The following BRINP3 variants were observed in gnomAD, a reference collection of about 807,000 sequenced individuals.
BRINP3 encodes the protein BMP/retinoic acid inducible neural specific 3, also known as BMP/retinoic acid-inducible neural-specific protein 3.
A neutral mutation model predicts 71.0 loss-of-function variants in BRINP3; 19 were observed. That is an observed-to-expected ratio of 0.27 (90% CI 0.19 to 0.39). The LOEUF (loss-of-function observed/expected upper bound fraction) is 0.39, where lower values mean the gene tolerates loss of function less well. Among genes scored for constraint, BRINP3 ranks in the 10% least tolerant of loss-of-function variants. The pLI is 1.00. For synonymous variants in BRINP3, 380 were observed against 337.7 expected, an observed-to-expected ratio of 1.13 and a Z score of -1.37; for missense variants, 959 against 940.8, an observed-to-expected ratio of 1.02 and a Z score of -0.25.
chr1:190,458,646 AAT>A (rs1461228315), intron 1 of BRINP3, among the ~76,000 whole-genome samples: 1 of 152,020 alleles, frequency 6.6e-6, no homozygotes, highest in Non-Finnish European at 1.5e-5. Flanking sequence ...TGGTTTAGTA[AAT>A]AGAGTTTGTT....
intron 4 of BRINP3, among the ~76,000 whole-genome samples, chr1:190,248,508 C>G (rs1659823330): frequency 6.6e-6 from 1 of 151,720 alleles, no homozygotes; most frequent in African/African-American, 2.4e-5. Flanking sequence ...CCTATCTCTA[C>G]TCTCCACCTA....
At chr1:190,265,251 T>C (rs1030267745) in intron 3 of BRINP3, among the ~76,000 whole-genome samples, 196 bp from the exon 4 acceptor site, 1 of 152,128 alleles carries the variant, frequency 6.6e-6, no homozygotes, top group Non-Finnish European at 1.5e-5. Flanking sequence ...TTGGTCACTT[T>C]AAACACGTAG....
chr1:190,443,462 T>G (rs1674977236), intron 2 of BRINP3, among the ~76,000 whole-genome samples: 1 of 151,650 alleles, frequency 6.6e-6, no homozygotes, highest in Non-Finnish European at 1.5e-5. Context: ...CTGAGAATCT[T>G]TAAAAGGAAC....
Position 190,099,124 on chromosome 1 carries a change from A to T in BRINP3, c.1195T>A (p.Tyr399Asn), listed in dbSNP as rs1651464364. ...ISLPRQRTST[Y>N]WLTRIQSFLY... ...AAAGACTGGATGCGAGTAAGCCAGT[A>T]GGTTGAGGTTCTAGAAATACAAAAC... Residue 399 changes from tyrosine (Y) to asparagine (N), a missense_variant, in exon 8 of 8, where the codon TAC (tyrosine) becomes AAC (asparagine). Tyr to Asn is a moderately radical substitution (Grantham distance 143). Transcript: ENST00000367462. 6.2e-7 allele frequency: 1 copy of T among 1,613,076 alleles called. No homozygotes were observed. The highest frequency in any genetic ancestry group is 8.5e-7 in the Non-Finnish European group (1 of 1,179,178).
intron 7 of BRINP3, among the ~76,000 whole-genome samples, chr1:190,137,597 T>C (rs1267991481): frequency 6.6e-6 from 1 of 152,112 alleles, no homozygotes; most frequent in Non-Finnish European, 1.5e-5. Flanking sequence ...AGAGAGAATT[T>C]TTAAAAAGAG....
At chr1:190,134,176 T>C (rs1234522904) in intron 7 of BRINP3, among the ~76,000 whole-genome samples, 3 of 152,010 alleles carry the variant, frequency 2.0e-5, no homozygotes, top group Non-Finnish European at 4.4e-5. Context: ...CTACGGTGGT[T>C]AGGGAGTCTT....
At chr1:190,468,594 C>T (rs1558313709) in intron 1 of BRINP3, among the ~76,000 whole-genome samples, 1 of 151,152 alleles carries the variant, frequency 6.6e-6, no homozygotes, top group Non-Finnish European at 1.5e-5. Flanking sequence ...AGGTAAGTTA[C>T]TATTCAAACA....
chr1:190,226,417 GTATTAAA>G, intron 5 of BRINP3, 99 bp from the exon 6 acceptor site: 1 of 630,294 alleles, frequency 1.6e-6, no homozygotes, highest in African/African-American at 1.9e-5. Flanking sequence ...ATAATTTAGT[GTATTAAA>G]TTTTGAATTA....
intron 6 of BRINP3, among the ~76,000 whole-genome samples, chr1:190,184,104 T>A (rs1653289776): frequency 6.6e-6 from 1 of 152,182 alleles, no homozygotes. Flanking sequence ...CTCCAAAGAA[T>A]TGATAGCTGT....
intron 2 of BRINP3, among the ~76,000 whole-genome samples, chr1:190,313,692 A>G (rs971336169): frequency 6.6e-6 from 1 of 151,978 alleles, no homozygotes; most frequent in African/African-American, 2.4e-5. Flanking sequence ...CCTCAAAACA[A>G]CCCTTGAGAT....
chr1:190,223,662 A>C (rs1220585726), intron 6 of BRINP3, among the ~76,000 whole-genome samples: 2 of 151,910 alleles, frequency 1.3e-5, no homozygotes, highest in Non-Finnish European at 2.9e-5. Flanking sequence ...CATGACATGG[A>C]AAGTCCTCTC....
chr1:190,197,699 C>T (rs150614825), intron 6 of BRINP3, among the ~76,000 whole-genome samples: 267 of 152,300 alleles, frequency 1.8e-3, no homozygotes, highest in African/African-American at 6.3e-3. Flanking sequence ...GCAGCTCCAC[C>T]TCTGTGGCTT....
chr1:190,286,634 C>T (rs1219068066), intron 2 of BRINP3, among the ~76,000 whole-genome samples: 1 of 152,068 alleles, frequency 6.6e-6, no homozygotes, highest in East Asian at 1.9e-4. Context: ...GTCCTAAATG[C>T]TATTATTACA....
chr1:190,288,999 T>C (rs116558858), intron 2 of BRINP3, among the ~76,000 whole-genome samples: 1,595 of 152,048 alleles, frequency 0.01, 25 homozygotes, highest in African/African-American at 0.036. Context: ...TGATACAACA[T>C]CTACCTTAAA....
chr1:190,103,921 T>A (rs940278205), intron 7 of BRINP3, among the ~76,000 whole-genome samples: 14 of 151,816 alleles, frequency 9.2e-5, no homozygotes, highest in East Asian at 1.9e-4. Flanking sequence ...TTTTTTTTTT[T>A]AATTTCATCT....
chr1:190,292,038 G>A (rs1386734350), intron 2 of BRINP3, among the ~76,000 whole-genome samples: 1 of 152,078 alleles, frequency 6.6e-6, no homozygotes, highest in Non-Finnish European at 1.5e-5. Context: ...AGTGAAATAA[G>A]CCAGGTATAG....
chr1:190,276,455 GTTCTTA>G (rs1481765729), intron 3 of BRINP3, among the ~76,000 whole-genome samples: 1 of 151,492 alleles, frequency 6.6e-6, no homozygotes, highest in African/African-American at 2.4e-5. Flanking sequence ...CATATTCAGA[GTTCTTA>G]TTCTTATGGG....
chr1:190,235,586 C>T (rs1446482903), intron 4 of BRINP3, among the ~76,000 whole-genome samples: 4 of 151,902 alleles, frequency 2.6e-5, no homozygotes, highest in South Asian at 4.1e-4. Context: ...TCCCTAAATC[C>T]GTCTCTTCTC....
At chr1:190,285,343 A>C (rs1663338548) in intron 2 of BRINP3, among the ~76,000 whole-genome samples, 1 of 152,168 alleles carries the variant, frequency 6.6e-6, no homozygotes, top group South Asian at 2.1e-4. Context: ...AATTGTGAGC[A>C]TGTATGTATA....
Sources: allele counts gnomAD v4.1 joint callset (sites outside exome capture counted in the v4.1 genomes callset), GRCh38; gene constraint gnomAD v4.1.1; transcripts MANE v1.5; gene names NCBI Gene and HGNC (gene_info 2026-07-23, HGNC 2026-07-21).